Variants in TAF4B observed in about 807,000 individuals in gnomAD.
TAF4B encodes TATA-box binding protein associated factor 4b, also known as transcription initiation factor TFIID subunit 4B.
A neutral mutation model predicts 86.4 loss-of-function variants in TAF4B; 38 were observed. The observed-to-expected ratio is 0.44, with a 90% CI of 0.34 to 0.58. TAF4B has a LOEUF of 0.58. TAF4B is among the 20% of genes least tolerant of loss of function. The probability of loss-of-function intolerance (pLI) is 0.02; values close to 1 mark genes in which losing one functional copy is unlikely to be tolerated. For missense variants in TAF4B, 988 were observed against 1,027.6 expected (o/e 0.96, Z 0.53); for synonymous variants, 388 against 391.2 (o/e 0.99, Z 0.10).
At chr18:26,355,190 A>AGG (rs1345073044) in intron 13 of TAF4B, among the ~76,000 whole-genome samples, 1 of 152,212 alleles carries the variant, frequency 6.6e-6, no homozygotes, top group Non-Finnish European at 1.5e-5. Flanking sequence ...TTGTACCTTA[A>AGG]TGATATTTAG....
At chr18:26,334,219 G>A (rs1392948394) in intron 12 of TAF4B, among the ~76,000 whole-genome samples, 1 of 151,912 alleles carries the variant, frequency 6.6e-6, no homozygotes, top group African/African-American at 2.4e-5. Flanking sequence ...GAAATTAGTA[G>A]GCACTCAAAT....
intron 9 of TAF4B, among the ~76,000 whole-genome samples, chr18:26,299,346 A>T (rs930140906): frequency 2.0e-5 from 3 of 152,062 alleles, no homozygotes; most frequent in Non-Finnish European, 2.9e-5. Flanking sequence ...TTATTCTAGG[A>T]TCATGAATTA....
chr18:26,232,517 GT>G (rs2055688105), intron 1 of TAF4B, among the ~76,000 whole-genome samples: 1 of 152,202 alleles, frequency 6.6e-6, no homozygotes, highest in Non-Finnish European at 1.5e-5. Flanking sequence ...CTGAAGGCGA[GT>G]AATAGCAAGA....
chr18:26,234,305 T>C (rs1055695963), intron 1 of TAF4B, among the ~76,000 whole-genome samples: 1 of 152,226 alleles, frequency 6.6e-6, no homozygotes, highest in Non-Finnish European at 1.5e-5. Flanking sequence ...GCTTTGGCAG[T>C]GTAAGACTGC....
chr18:26,300,371 T>A (rs2056716857), intron 9 of TAF4B, among the ~76,000 whole-genome samples: 1 of 149,680 alleles, frequency 6.7e-6, no homozygotes, highest in African/African-American at 2.4e-5. Flanking sequence ...TTTCCTCATT[T>A]GAGCTGAGGC....
chr18:26,292,197 T>C, intron 7 of TAF4B, 49 bp from the exon 8 acceptor site: 3 of 1,571,384 alleles, frequency 1.9e-6, no homozygotes, highest in Non-Finnish European at 2.6e-6. Flanking sequence ...CTTATCCTTT[T>C]CTAAAGCCTT....
intron 14 of TAF4B, among the ~76,000 whole-genome samples, chr18:26,385,613 A>G (rs181288348): frequency 1.1e-4 from 16 of 151,940 alleles, no homozygotes; most frequent in Admixed American, 9.2e-4. Flanking sequence ...TCATGTAGAA[A>G]GTTACATGGG....
chr18:26,284,076 T>C (rs1425172137), intron 6 of TAF4B, among the ~76,000 whole-genome samples: 1 of 151,932 alleles, frequency 6.6e-6, no homozygotes, highest in African/African-American at 2.4e-5. Flanking sequence ...AAATCTTAGC[T>C]ATATCTTCTG....
chr18:26,251,357 A>C (rs1228065575), intron 1 of TAF4B, among the ~76,000 whole-genome samples: 1 of 152,196 alleles, frequency 6.6e-6, no homozygotes, highest in Non-Finnish European at 1.5e-5. Context: ...TAAGGCTCTT[A>C]GATTTGTAAG....
intron 3 of TAF4B, among the ~76,000 whole-genome samples, chr18:26,270,410 A>G (rs960156360): frequency 6.6e-6 from 1 of 152,222 alleles, no homozygotes; most frequent in African/African-American, 2.4e-5. Flanking sequence ...CTAGAACATG[A>G]AAGCTTGTGT....
chr18:26,247,955 A>C (rs1168495987), intron 1 of TAF4B, among the ~76,000 whole-genome samples: 1 of 145,168 alleles, frequency 6.9e-6, no homozygotes, highest in Admixed American at 7.0e-5. Context: ...GGCTCACTTC[A>C]GACTGACCTC....
chr18:26,250,848 A>T (rs952112154), intron 1 of TAF4B, among the ~76,000 whole-genome samples: 1 of 152,226 alleles, frequency 6.6e-6, no homozygotes, highest in African/African-American at 2.4e-5. Flanking sequence ...ATAGAGATAA[A>T]TAGAAGCTCA....
intron 14 of TAF4B, 48 bp downstream of exon 14, chr18:26,357,842 G>A (rs779422352): frequency 7.0e-7 from 1 of 1,437,398 alleles, no homozygotes; most frequent in Non-Finnish European, 9.6e-7. Context: ...AAGAAAGCAA[G>A]CCAAAAAGAA....
Position 26,226,979 on chromosome 18 carries a change from G to A in TAF4B, c.46G>A (p.Ala16Thr). 7.1e-7 allele frequency: 1 copy of A among 1,398,646 alleles called. No individual in the cohort carries two copies. The highest frequency in any genetic ancestry group is 9.2e-7 in the Non-Finnish European group (1 of 1,088,286). The allele number at this position is 1,398,646 out of a possible 1,614,324, so 86.6% of individuals were successfully genotyped here. Residue 16 changes from alanine (A) to threonine (T), a missense_variant, in exon 1 of 15, where the codon GCT becomes ACT. Around this residue, in one of 3 missense-constraint regions of TAF4B, gnomAD observed 747 missense variants for 737.9 expected, o/e 1.01. Transcript: ENST00000269142. The part of the protein sequence containing the change: ...TEPAGAAPPA[A>T]VSASGTVTMA... ...ACCCGCCGGCGCCGCTCCCCCGGCT[G>A]CTGTGAGCGCCTCGGGGACCGTGAC...
At chr18:26,334,641 AGAT>A (rs1163167115) in intron 12 of TAF4B, among the ~76,000 whole-genome samples, 1 of 152,220 alleles carries the variant, frequency 6.6e-6, no homozygotes, top group Non-Finnish European at 1.5e-5. Flanking sequence ...GAGGACCCAA[AGAT>A]GATAAGACAT....
At chr18:26,313,570 T>A (rs2144661415) in intron 9 of TAF4B, among the ~76,000 whole-genome samples, 1 of 152,326 alleles carries the variant, frequency 6.6e-6, no homozygotes, top group East Asian at 1.9e-4. Context: ...TACAGAGACA[T>A]GCCTTTTAAT....
intron 12 of TAF4B, among the ~76,000 whole-genome samples, chr18:26,333,195 A>G (rs961543651): frequency 6.6e-6 from 1 of 150,612 alleles, no homozygotes; most frequent in Non-Finnish European, 1.5e-5. Context: ...TTTTTAAATT[A>G]TATATATTTT....
rs769679921 is a variant in TAF4B, at chr18:26,321,176, T to G, written c.2109T>G (p.Ala703=). The change falls in exon 11 of 15, where the codon GCT becomes GCG. Residue 703 remains alanine, a synonymous_variant. Transcript: ENST00000269142. ...TTCTAGAAAAACTGACTGCAATTGC[T>G]CAGCATCGAATGACTACTTACAAGG... ...RGLLEKLTAI[A]QHRMTTYKAS... 1.2e-6 allele frequency: 2 copies of G among 1,613,756 alleles called. No homozygotes were observed. The highest frequency in any genetic ancestry group is 1.7e-5 in the Admixed American group (1 of 59,996).
chr18:26,246,555 A>C (rs1471074571), intron 1 of TAF4B, among the ~76,000 whole-genome samples: 1 of 149,654 alleles, frequency 6.7e-6, no homozygotes, highest in Non-Finnish European at 1.5e-5. Context: ...TTTTTTCTGG[A>C]TGGAGTCTCA....
Sources: gnomAD v4.1 joint callset for allele counts (sites outside exome capture counted in the v4.1 genomes callset) on GRCh38, gnomAD v4.1.1 for gene constraint, gnomAD v4.1.1 regional missense constraint, MANE v1.5 for transcripts, NCBI Gene and HGNC (gene_info 2026-07-23, HGNC 2026-07-21) for gene names.